The following PIK3R4 variants were observed in gnomAD, a reference collection of about 807,000 sequenced individuals.
PIK3R4 encodes phosphoinositide 3-kinase regulatory subunit 4.
Under a neutral mutation model 136.5 loss-of-function variants are expected in PIK3R4, and 46 were observed. That is an observed-to-expected ratio of 0.34 (90% CI 0.27 to 0.43). The LOEUF is 0.43. PIK3R4 is among the 20% of genes least tolerant of loss of function. PIK3R4 has a pLI of 1.00. For synonymous variants in PIK3R4, 557 were observed against 566.7 expected (o/e 0.98, Z 0.24); for missense variants, 1,331 against 1,649.5 (o/e 0.81, Z 3.35).
rs753712561 is a variant in PIK3R4, at chr3:130,690,534, A to G, written c.3219T>C (p.Ala1073=). 1 of 1,613,710 alleles carries G rather than the reference A, an allele frequency of 6.2e-7. No individual in the cohort carries two copies. The highest frequency in any genetic ancestry group is 2.2e-5 in the East Asian group (1 of 44,870). ...NGAVQLLGIE[A]SKLPKSPKIH... ...TTTTAGGAGACTTGGGCAGCTTAGA[A>G]GCCTCAATTCCAAGAAGCTGGACAG... is the stretch of plus-strand genomic sequence containing the variant. Residue 1073 remains alanine, a synonymous_variant, in exon 14 of 20, where the codon GCT becomes GCC. Transcript: ENST00000356763.
chr3:130,711,045 GT>G (rs1294089755), intron 9 of PIK3R4, among the ~76,000 whole-genome samples: 1 of 151,210 alleles, frequency 6.6e-6, no homozygotes, highest in Non-Finnish European at 1.5e-5. Flanking sequence ...GCTGGGAGAT[GT>G]TTTTTTCTAC....
chr3:130,743,210 G>A (rs1213448478), intron 2 of PIK3R4, among the ~76,000 whole-genome samples: 1 of 151,638 alleles, frequency 6.6e-6, no homozygotes, highest in Non-Finnish European at 1.5e-5. Flanking sequence ...CAGGCGTTCA[G>A]GAACATTCTG....
intron 8 of PIK3R4, among the ~76,000 whole-genome samples, chr3:130,717,575 TA>T (rs2066672721): frequency 6.6e-6 from 1 of 152,060 alleles, no homozygotes. Context: ...AATAGAATGA[TA>T]ACCTCTAGAA....
In PIK3R4 at chr3:130,688,685, T is replaced by C. The variant is rs566175838; in HGVS notation, c.3263+1805A>G. 5.3e-5 allele frequency among the ~76,000 whole-genome samples: 8 copies of C among 152,292 alleles called. No homozygotes were observed. In the South Asian group the frequency reaches 1.7e-3, roughly 32 times the overall value. On this transcript the variant is annotated intron_variant, in intron 14 of 19. Coordinates refer to ENST00000356763, the MANE Select transcript of PIK3R4 (RefSeq NM_014602.3). The stretch of plus-strand genomic sequence containing the variant: ...GTTTTTTTTTGAAGCTGAGGCATTT[T>C]TAAAACTAAAAAGAACATCATAAAA...
intron 9 of PIK3R4, among the ~76,000 whole-genome samples, chr3:130,715,406 G>A (rs1018302757): frequency 2.0e-5 from 3 of 151,966 alleles, no homozygotes; most frequent in African/African-American, 7.3e-5. Context: ...TTATAGGCCT[G>A]AACCACGGCA....
In PIK3R4 at chr3:130,730,199, G is replaced by A. The variant is rs1367541791; in HGVS notation, c.1585+109C>T. ...AGGGACTCTTCCTATCTAATATATA[G>A]ATCTGGTATTCCTTCACCTTACATG... is the stretch of plus-strand genomic sequence containing the variant. On this transcript the variant is annotated intron_variant, in intron 5 of 19. Coordinates refer to ENST00000356763, the MANE Select transcript of PIK3R4 (RefSeq NM_014602.3). The A allele has an allele frequency of 3.7e-6, 3 of 818,020 alleles. No homozygotes were observed. The East Asian group carries it at 8.0e-5, about 22-fold the overall frequency. The allele number at this position is 818,020 out of a possible 1,614,324, so 50.7% of individuals were successfully genotyped here. A position where few individuals can be genotyped will look rare whatever the true frequency, so the allele number is the denominator to read the frequency against.
chr3:130,706,868 G>T, intron 11 of PIK3R4, 80 bp downstream of exon 11: 1 of 1,155,362 alleles, frequency 8.7e-7, no homozygotes. Context: ...TTCCACTACA[G>T]TACACAGCCT....
chr3:130,739,927 T>C (rs907335662), intron 2 of PIK3R4, among the ~76,000 whole-genome samples: 3 of 152,040 alleles, frequency 2.0e-5, no homozygotes, highest in African/African-American at 4.8e-5. Context: ...AAACATCCTA[T>C]CAAAAAACAA....
intron 16 of PIK3R4, among the ~76,000 whole-genome samples, chr3:130,682,089 T>A (rs193117022): frequency 6.6e-6 from 1 of 152,302 alleles, no homozygotes; most frequent in East Asian, 1.9e-4. Context: ...GGCTAAATAA[T>A]GGCCCCAAAG....
At chr3:130,741,958 A>G (rs1231935576) in intron 2 of PIK3R4, among the ~76,000 whole-genome samples, 1 of 152,246 alleles carries the variant, frequency 6.6e-6, no homozygotes, top group Non-Finnish European at 1.5e-5. Context: ...TTTAAGTACA[A>G]CAACGTACAA....
rs989745246 is a variant in PIK3R4, at chr3:130,744,881, C to A, written c.338G>T (p.Arg113Leu). The A allele has an allele frequency of 6.2e-7, 1 of 1,614,052 alleles. No homozygotes were observed. The highest frequency in any genetic ancestry group is 8.5e-7 in the Non-Finnish European group (1 of 1,180,030). Residue 113 changes from arginine (R) to leucine (L), a missense_variant, in exon 2 of 20, where the codon CGC (arginine) becomes CTC (leucine). By Grantham distance (102) the Arg-to-Leu change is moderately radical. Coordinates refer to ENST00000356763, the MANE Select transcript of PIK3R4 (RefSeq NM_014602.3). ...ATTCAAGAATGGACGGGTACTGATG[C>A]GATCATAGAGATTGTCTCGCACATA... ...RQYVRDNLYD[R>L]ISTRPFLNNI...
chr3:130,727,672 C>A (rs1242706583), intron 6 of PIK3R4, among the ~76,000 whole-genome samples: 1 of 152,088 alleles, frequency 6.6e-6, no homozygotes, highest in Non-Finnish European at 1.5e-5. Context: ...AGTGGATAAT[C>A]ATAATAATAT....
At chr3:130,739,713 C>A (rs191948406) in intron 2 of PIK3R4, among the ~76,000 whole-genome samples, 24 of 151,992 alleles carry the variant, frequency 1.6e-4, no homozygotes, top group Middle Eastern at 3.4e-3. Flanking sequence ...TTATTAGTTG[C>A]AAGGGATTGA....
rs370928484 is a variant in PIK3R4 at position 130,744,472 on chromosome 3, A to G, written c.733+14T>C. On this transcript the variant is annotated intron_variant, in intron 2 of 19. Coordinates refer to ENST00000356763, the MANE Select transcript of PIK3R4 (RefSeq NM_014602.3). ...AACACATGCTCCCTTAGCAAATGTG[A>G]CCCACTCAAATACCTGCTGAAAAGA... The G allele has an allele frequency of 3.1e-6, 5 of 1,589,250 alleles. No individual in the cohort carries two copies. The highest frequency in any genetic ancestry group is 4.3e-6 in the Non-Finnish European group (5 of 1,167,636).
chr3:130,745,068 C>T lies in PIK3R4; in HGVS notation c.151G>A (p.Val51Ile), dbSNP rs887250589. The T allele has an allele frequency of 6.2e-7, 1 of 1,613,766 alleles. No homozygotes were observed. The highest frequency in any genetic ancestry group is 8.5e-7 in the Non-Finnish European group (1 of 1,179,952). Residue 51 changes from valine to isoleucine, a missense_variant, in exon 2 of 20, where the codon GTT (valine) becomes ATT (isoleucine). Transcript: ENST00000356763. ...TCCTGAATTGCAAAAACCTTCACAA[C>T]GACCAGGCCTTCTCGGTGCTTGGCT... ...ARAKHREGLVVVKVFAIQDPT... is the reference protein window; with the variant it reads ...ARAKHREGLVIVKVFAIQDPT...
intron 1 of PIK3R4, among the ~76,000 whole-genome samples, chr3:130,745,816 G>A (rs2066849740): frequency 6.6e-6 from 1 of 152,172 alleles, no homozygotes; most frequent in African/African-American, 2.4e-5. Flanking sequence ...GAGGTCAGGA[G>A]CTCAAGACGG....
At chr3:130,735,016 T>G (rs1214392499) in intron 3 of PIK3R4, among the ~76,000 whole-genome samples, 2 of 152,134 alleles carry the variant, frequency 1.3e-5, no homozygotes, top group African/African-American at 2.4e-5. Flanking sequence ...GTTCAGAAAA[T>G]GTATGCCCAA....
intron 7 of PIK3R4, 93 bp from the exon 8 acceptor site, chr3:130,718,627 A>T: frequency 7.9e-7 from 1 of 1,259,304 alleles, no homozygotes; most frequent in Non-Finnish European, 1.1e-6. Flanking sequence ...TGACAAAAGG[A>T]TTTTGCCACA....
At chr3:130,710,962 A>G (rs567031020) in intron 9 of PIK3R4, among the ~76,000 whole-genome samples, 1 of 152,140 alleles carries the variant, frequency 6.6e-6, no homozygotes, top group East Asian at 1.9e-4. Flanking sequence ...AAACTCTTGA[A>G]AAAGAAAAAA....
Sources: gnomAD v4.1 joint callset for allele counts (sites outside exome capture counted in the v4.1 genomes callset) on GRCh38, gnomAD v4.1.1 for gene constraint, MANE v1.5 for transcripts, NCBI Gene and HGNC (gene_info 2026-07-23, HGNC 2026-07-21) for gene names.